FAIM: variants seen among roughly 807,000 people sequenced by gnomAD.
The protein encoded by FAIM is fas apoptotic inhibitory molecule 1.
FAIM carries 14 observed loss-of-function variants against 21.2 expected under a neutral mutation model. That is an observed-to-expected ratio of 0.66 (90% CI 0.44 to 1.03). The LOEUF (loss-of-function observed/expected upper bound fraction) is 1.03. Among genes scored for constraint, FAIM ranks in the 50% least tolerant of loss-of-function variants. The probability of loss-of-function intolerance (pLI) is 0.00; values close to 1 mark genes in which losing one functional copy is unlikely to be tolerated. For synonymous variants in FAIM, 86 were observed against 80.4 expected, an observed-to-expected ratio of 1.07 and a Z score of -0.37; for missense variants, 222 against 247.1, an observed-to-expected ratio of 0.90 and a Z score of 0.68.
intron 1 of FAIM, among the ~76,000 whole-genome samples, chr3:138,616,626 G>A (rs1406383899): frequency 1.1e-4 from 17 of 151,964 alleles, no homozygotes; most frequent in Admixed American, 8.5e-4. Context: ...CTCAAAGTGC[G>A]GGGATTACAG....
Position 138,625,072 on chromosome 3 carries a change from G to A in FAIM, c.406+2656G>A, listed in dbSNP as rs376476683. On this transcript the variant is annotated intron_variant, in intron 4 of 5. Transcript: ENST00000360570. ...TCCCAACTACTTGGGAGGCTGAGGC[G>A]AGAGGATCACTTGAGCCTAGGGGTT... 6.6e-5 allele frequency among the ~76,000 whole-genome samples: 10 copies of A among 152,018 alleles called. No homozygotes were observed. The South Asian group carries it at 1.9e-3, about 28-fold the overall frequency.
intron 4 of FAIM, among the ~76,000 whole-genome samples, chr3:138,626,308 A>G (rs76622691): frequency 0.018 from 2,818 of 152,326 alleles, 45 homozygotes; most frequent in Non-Finnish European, 0.028. Flanking sequence ...AGATTCAGAA[A>G]TCAAAATGCT....
In FAIM at chr3:138,619,726, C is replaced by G. The variant is rs1345025416; in HGVS notation, c.-1C>G. 1.9e-6 allele frequency: 3 copies of G among 1,612,896 alleles called. No individual in the cohort carries two copies. The highest frequency in any genetic ancestry group is 2.5e-6 in the Non-Finnish European group (3 of 1,179,660). On this transcript the variant is annotated 5_prime_UTR_variant, in exon 2 of 6. Coordinates refer to ENST00000360570, the MANE Select transcript of FAIM (RefSeq NM_001033031.2). ...TGGATTAAAGACTGTTTTTGCCAAC[C>G]ATGGCATCTGGAGATGACAGTCCTA...
intron 1 of FAIM, among the ~76,000 whole-genome samples, chr3:138,609,584 T>TCC (rs1560491020): frequency 2.5e-3 from 61 of 24,786 alleles, no homozygotes; most frequent in Admixed American, 3.6e-3. Context: ...CTCGACTCTC[T>TCC]CTCTCTCGAC....
At chr3:138,632,173 G>C (rs371252957) in intron 5 of FAIM, among the ~76,000 whole-genome samples, 1 of 149,710 alleles carries the variant, frequency 6.7e-6, no homozygotes, top group Non-Finnish European at 1.5e-5. Flanking sequence ...ACCTTCATGT[G>C]TAATTTTAAT....
chr3:138,611,911 C>A (rs1318667629), intron 1 of FAIM, among the ~76,000 whole-genome samples: 2 of 152,084 alleles, frequency 1.3e-5, no homozygotes, highest in Non-Finnish European at 2.9e-5. Flanking sequence ...CTAAATAAAC[C>A]TTTTTTCTTT....
chr3:138,614,138 G>T (rs2042800761), intron 1 of FAIM, among the ~76,000 whole-genome samples: 4 of 152,160 alleles, frequency 2.6e-5, no homozygotes, highest in Admixed American at 2.6e-4. Context: ...AATTCTTTAA[G>T]GACAGAAACA....
Position 138,628,585 on chromosome 3 carries a change from C to T in FAIM, c.407-522C>T, listed in dbSNP as rs577977241. Among the ~76,000 whole-genome samples the T allele has an allele frequency of 1.9e-3, 291 of 151,950 alleles. 1 individual carries two copies. Among genetic ancestry groups the T allele is most frequent in the African/African-American group, 6.5e-3 (271 of 41,416 alleles). On this transcript the variant is annotated intron_variant, in intron 4 of 5. Coordinates refer to ENST00000360570, the MANE Select transcript of FAIM (RefSeq NM_001033031.2). ...CTGCAAGCTCCACCTCCCAGGTTCA[C>T]GCCATTCTCCTGCCTCAGCCTCCCA...
intron 1 of FAIM, chr3:138,610,922 G>A (rs2042760987): frequency 6.3e-7 from 1 of 1,580,120 alleles, no homozygotes; most frequent in Non-Finnish European, 8.7e-7. Flanking sequence ...TTCTTCGGCA[G>A]AGCTACGACC....
chr3:138,620,957 G>A (rs545305643), intron 2 of FAIM, among the ~76,000 whole-genome samples: 105 of 152,174 alleles, frequency 6.9e-4, no homozygotes, highest in Middle Eastern at 6.8e-3. Context: ...TCCCTAGTGC[G>A]AGTTTAAGTA....
chr3:138,619,617 A>C, intron 1 of FAIM, 94 bp from the exon 2 acceptor site: 1 of 1,111,476 alleles, frequency 9.0e-7, no homozygotes, highest in Non-Finnish European at 1.3e-6. Flanking sequence ...TTGCAAAATT[A>C]GAAAAACCCT....
chr3:138,609,600 C>CG (rs1341451620), intron 1 of FAIM, among the ~76,000 whole-genome samples: 1 of 106,120 alleles, frequency 9.4e-6, no homozygotes, highest in African/African-American at 4.3e-5. Flanking sequence ...TCGACTCTCT[C>CG]TCTCTCTCTC....
Position 138,622,332 on chromosome 3 carries a change from C to T in FAIM, c.322C>T (p.Leu108Phe). 1.2e-6 allele frequency: 2 copies of T among 1,613,826 alleles called. No homozygotes were observed. The highest frequency in any genetic ancestry group is 1.7e-6 in the Non-Finnish European group (2 of 1,179,942). The change falls in exon 4 of 6, where the codon CTC (leucine) becomes TTC (phenylalanine). Residue 108 changes from leucine to phenylalanine, a missense_variant. Leu to Phe is a conservative substitution (Grantham distance 22). Coordinates refer to ENST00000360570, the MANE Select transcript of FAIM (RefSeq NM_001033031.2). ...EYTLEINGKS[L>F]KKYMEDRSKT... ...TACTCTGGAAATTAATGGGAAAAGT[C>T]TCAAGAAGTATATGGAGGACAGATC...
intron 1 of FAIM, among the ~76,000 whole-genome samples, chr3:138,617,654 T>A (rs1253757126): frequency 5.6e-5 from 8 of 142,142 alleles, no homozygotes; most frequent in African/African-American, 2.1e-4. Flanking sequence ...TCTATATATA[T>A]AATATATATA....
At chr3:138,623,469 G>T (rs1385294383) in intron 4 of FAIM, among the ~76,000 whole-genome samples, 1 of 152,144 alleles carries the variant, frequency 6.6e-6, no homozygotes, top group African/African-American at 2.4e-5. Context: ...GGGCTCAAGT[G>T]ATCCTCCAGC....
chr3:138,616,414 T>C (rs1419097909), intron 1 of FAIM, among the ~76,000 whole-genome samples: 3 of 152,230 alleles, frequency 2.0e-5, no homozygotes, highest in African/African-American at 7.2e-5. Context: ...AGGGTCTTGC[T>C]CTGTTGGCCA....
intron 4 of FAIM, 80 bp from the exon 5 acceptor site, chr3:138,629,027 C>T: frequency 9.0e-7 from 1 of 1,114,748 alleles, no homozygotes; most frequent in Non-Finnish European, 1.3e-6. Context: ...CAATCCTTTC[C>T]TAAAGTAATA....
intron 5 of FAIM, among the ~76,000 whole-genome samples, chr3:138,632,724 T>C (rs919172885): frequency 6.6e-6 from 1 of 152,190 alleles, no homozygotes. Context: ...TTCTTAAGGA[T>C]TGTAGGGGTT....
chr3:138,622,373 T>G lies in FAIM; in HGVS notation c.363T>G (p.Thr121=). The part of the protein sequence containing the change: ...YMEDRSKTTN[T]WVLHMDGENF... The stretch of plus-strand genomic sequence containing the variant: ...AGGACAGATCAAAAACCACCAATAC[T>G]TGGGTATTACACATGGATGGTGAGA... Residue 121 remains threonine (T), a synonymous_variant, in exon 4 of 6, where the codon ACT becomes ACG. Transcript: ENST00000360570. 1 of 1,612,980 alleles carries G rather than the reference T, an allele frequency of 6.2e-7. No homozygotes were observed. Among genetic ancestry groups the G allele is most frequent in the Non-Finnish European group, 8.5e-7 (1 of 1,179,710 alleles).
Sources: gnomAD v4.1 joint callset for allele counts (sites outside exome capture counted in the v4.1 genomes callset) on GRCh38, gnomAD v4.1.1 for gene constraint, MANE v1.5 for transcripts, NCBI Gene and HGNC (gene_info 2026-07-23, HGNC 2026-07-21) for gene names.